The following LRP12 variants were observed in gnomAD, a reference collection of about 807,000 sequenced individuals.
LRP12 encodes the protein low-density lipoprotein receptor-related protein 12.
In LRP12, 14 loss-of-function variants were observed where a neutral mutation model predicts 66.0. That is an observed-to-expected ratio of 0.21 (90% CI 0.14 to 0.33). LRP12 has a LOEUF of 0.33. LRP12 is among the 10% of genes least tolerant of loss of function. The pLI is 1.00. For missense variants in LRP12, 889 were observed against 1,053.4 expected, an observed-to-expected ratio of 0.84 and a Z score of 2.16; for synonymous variants, 357 against 359.1, an observed-to-expected ratio of 0.99 and a Z score of 0.07.
intron 1 of LRP12, among the ~76,000 whole-genome samples, chr8:104,585,574 A>G (rs1205919733): frequency 6.6e-6 from 1 of 152,168 alleles, no homozygotes; most frequent in Non-Finnish European, 1.5e-5. Flanking sequence ...TTTCAAGCTA[A>G]GGACTGCAAT....
rs570951120 is a variant in LRP12, at chr8:104,493,782, G to C, written c.1713+1295C>G. Among the ~76,000 whole-genome samples the C allele has an allele frequency of 2.6e-5, 4 of 152,322 alleles. No individual in the cohort carries two copies. In the South Asian group the frequency reaches 8.3e-4, roughly 32 times the overall value. On this transcript the variant is annotated intron_variant, in intron 6 of 6. Transcript: ENST00000276654. ...GCTTTCCTGATTGGTAACACTCCATGCATATTGTCACATATCTGTGTTCAC... is the reference window on the plus strand; with the variant it reads ...GCTTTCCTGATTGGTAACACTCCATCCATATTGTCACATATCTGTGTTCAC...
chr8:104,549,624 G>A (rs968423077), intron 1 of LRP12, among the ~76,000 whole-genome samples: 8 of 151,884 alleles, frequency 5.3e-5, no homozygotes, highest in South Asian at 4.1e-4. Context: ...GGATGGTCTC[G>A]ATCTCCTGAC....
At chr8:104,566,207 C>T (rs1812002172) in intron 1 of LRP12, 2 of 673,944 alleles carry the variant, frequency 3.0e-6, no homozygotes, top group African/African-American at 1.8e-5. Flanking sequence ...CCTGAAAATG[C>T]AGCACATAGA....
intron 1 of LRP12, among the ~76,000 whole-genome samples, chr8:104,548,103 CTG>C (rs1811630549): frequency 9.9e-6 from 1 of 100,744 alleles, no homozygotes; most frequent in African/African-American, 4.0e-5. Flanking sequence ...GTATATAATT[CTG>C]TTATATTATA....
At position 104,543,000 on chromosome 8, in the gene LRP12, T is replaced by A. The variant is rs865977387; in HGVS notation, c.80-11037A>T. 1.1e-3 allele frequency among the ~76,000 whole-genome samples: 165 copies of A among 146,296 alleles called. 2 individuals carry two copies. Among genetic ancestry groups the A allele is most frequent in the African/African-American group, 4.2e-3 (156 of 37,368 alleles). Reference sequence around the variant, plus strand: ...TGTTTATAGAACACACACAAATATATATATATATATATAAATATATATACA... The same window carrying A: ...TGTTTATAGAACACACACAAATATAAATATATATATATAAATATATATACA... On this transcript the variant is annotated intron_variant, in intron 1 of 6. Coordinates refer to ENST00000276654, the MANE Select transcript of LRP12 (RefSeq NM_013437.5).
intron 1 of LRP12, among the ~76,000 whole-genome samples, chr8:104,585,251 G>A (rs1354702757): frequency 2.0e-5 from 3 of 152,260 alleles, no homozygotes; most frequent in Non-Finnish European, 4.4e-5. Flanking sequence ...TTTTGAGACA[G>A]AGTTTCACTC....
chr8:104,544,280 C>A (rs1372500387), intron 1 of LRP12, among the ~76,000 whole-genome samples: 1 of 152,130 alleles, frequency 6.6e-6, no homozygotes, highest in African/African-American at 2.4e-5. Flanking sequence ...GAGGTTGGTT[C>A]ATGATGTTTA....
At chr8:104,524,241 C>CAAAA (rs57379814) in intron 2 of LRP12, among the ~76,000 whole-genome samples, 1 of 96,782 alleles carries the variant, frequency 1.0e-5, no homozygotes, top group Non-Finnish European at 2.1e-5. Context: ...GACCCTGTCT[C>CAAAA]AAAAAAAAAA....
At chr8:104,535,143 TTTGA>T (rs1389457141) in intron 1 of LRP12, among the ~76,000 whole-genome samples, 1 of 151,866 alleles carries the variant, frequency 6.6e-6, no homozygotes, top group Non-Finnish European at 1.5e-5. Context: ...TACGAAAAAG[TTTGA>T]TTATCACCTA....
chr8:104,571,329 A>G (rs1452856782), intron 1 of LRP12, among the ~76,000 whole-genome samples: 1 of 152,150 alleles, frequency 6.6e-6, no homozygotes, highest in Non-Finnish European at 1.5e-5. Flanking sequence ...AGCAAGCACT[A>G]CCACCTGATA....
Position 104,581,315 on chromosome 8 carries a change from A to G in LRP12, c.79+7504T>C, listed in dbSNP as rs548524538. 1.4e-4 allele frequency among the ~76,000 whole-genome samples: 21 copies of G among 152,290 alleles called. 1 individual carries two copies. Among genetic ancestry groups the G allele is most frequent in the Admixed American group, 3.9e-4 (6 of 15,290 alleles). On this transcript the variant is annotated intron_variant, in intron 1 of 6. Transcript: ENST00000276654. ...GGTGGCGGGTGGGACAAAGGAGAGGATCAGAAAAAATAACTACTGGGTACT... is the reference window on the plus strand; with the variant it reads ...GGTGGCGGGTGGGACAAAGGAGAGGGTCAGAAAAAATAACTACTGGGTACT...
intron 1 of LRP12, among the ~76,000 whole-genome samples, chr8:104,540,738 TTTG>T (rs558926861): frequency 6.6e-6 from 1 of 152,118 alleles, no homozygotes; most frequent in Non-Finnish European, 1.5e-5. Flanking sequence ...ACCCCATTCT[TTTG>T]TTGTTGTTGT....
intron 1 of LRP12, among the ~76,000 whole-genome samples, chr8:104,582,934 C>A (rs1415448981): frequency 6.6e-6 from 1 of 152,092 alleles, no homozygotes; most frequent in East Asian, 1.9e-4. Context: ...TCCACCTTCC[C>A]ACCCCAAAAC....
At chr8:104,542,756 T>C (rs894299246) in intron 1 of LRP12, among the ~76,000 whole-genome samples, 1 of 152,116 alleles carries the variant, frequency 6.6e-6, no homozygotes, top group Admixed American at 6.6e-5. Context: ...GACTGTATTC[T>C]TACAATAAAG....
At chr8:104,501,377 C>T (rs538796714) in intron 3 of LRP12, among the ~76,000 whole-genome samples, 3 of 151,282 alleles carry the variant, frequency 2.0e-5, no homozygotes, top group Non-Finnish European at 4.4e-5. Context: ...GTCTTTTGCC[C>T]ATTAAAAAAA....
chr8:104,516,582 G>T lies in LRP12; in HGVS notation c.137-7508C>A, dbSNP rs148125120. On this transcript the variant is annotated intron_variant, in intron 2 of 6. Coordinates refer to ENST00000276654, the MANE Select transcript of LRP12 (RefSeq NM_013437.5). Reference sequence around the variant, plus strand: ...TGTATAGTTTAGAAAACAGGGCAAAGTTAACTGATGAAACACTGAAGACTT... The same window carrying T: ...TGTATAGTTTAGAAAACAGGGCAAATTTAACTGATGAAACACTGAAGACTT... Among the ~76,000 whole-genome samples the T allele has an allele frequency of 6.0e-3, 914 of 152,178 alleles. 9 individuals are homozygous for T. The highest frequency in any genetic ancestry group is 0.012 in the Admixed American group (189 of 15,278).
chr8:104,569,972 A>C (rs1812054603), intron 1 of LRP12, among the ~76,000 whole-genome samples: 1 of 152,204 alleles, frequency 6.6e-6, no homozygotes, highest in Non-Finnish European at 1.5e-5. Flanking sequence ...GGTCAACACA[A>C]AAATCAATCA....
chr8:104,520,731 G>A (rs565143102), intron 2 of LRP12, among the ~76,000 whole-genome samples: 1 of 152,050 alleles, frequency 6.6e-6, no homozygotes, highest in Non-Finnish European at 1.5e-5. Context: ...TGATACCCAA[G>A]TACAGTTTGC....
intron 1 of LRP12, among the ~76,000 whole-genome samples, chr8:104,557,847 A>G (rs1217197029): frequency 6.6e-6 from 1 of 152,234 alleles, no homozygotes. Context: ...ATCTAGAGGC[A>G]TCACATGACC....
Sources: allele counts gnomAD v4.1 joint callset (sites outside exome capture counted in the v4.1 genomes callset), GRCh38; gene constraint gnomAD v4.1.1; transcripts MANE v1.5; gene names NCBI Gene and HGNC (gene_info 2026-07-23, HGNC 2026-07-21).